The following DCC variants were observed in gnomAD, a reference collection of about 807,000 sequenced individuals.
The protein encoded by DCC is DCC netrin 1 receptor, also known as netrin receptor DCC.
Under a neutral mutation model 172.5 loss-of-function variants are expected in DCC, and 58 were observed. That is an observed-to-expected ratio of 0.34 (90% confidence interval 0.27 to 0.42). DCC has a LOEUF of 0.42. Among genes scored for constraint, DCC ranks in the 10% least tolerant of loss-of-function variants. DCC has a pLI of 1.00. For synonymous variants in DCC, 709 were observed against 644.5 expected (o/e 1.10, Z -1.52); for missense variants, 1,740 against 1,791.0 (o/e 0.97, Z 0.51).
At chr18:52,973,734 G>GAGT (rs2041067365) in intron 5 of DCC, among the ~76,000 whole-genome samples, 1 of 152,166 alleles carries the variant, frequency 6.6e-6, no homozygotes, top group African/African-American at 2.4e-5. Flanking sequence ...AAGAGGCCTA[G>GAGT]AGTATGTAGG....
intron 5 of DCC, among the ~76,000 whole-genome samples, chr18:52,973,081 C>T (rs2041056167): frequency 6.6e-6 from 1 of 152,110 alleles, no homozygotes; most frequent in Non-Finnish European, 1.5e-5. Context: ...GGTGCTAGAA[C>T]CTAGTAGATA....
At chr18:53,238,898 C>T (rs909511828) in intron 12 of DCC, among the ~76,000 whole-genome samples, 3 of 151,888 alleles carry the variant, frequency 2.0e-5, no homozygotes, top group Non-Finnish European at 2.9e-5. Flanking sequence ...TTAGCCATAC[C>T]TAGTATTATT....
chr18:53,416,685 C>G (rs1910328957), intron 21 of DCC: 1 of 175,212 alleles, frequency 5.7e-6, no homozygotes, highest in African/African-American at 2.4e-5. Context: ...ATCAGATGCT[C>G]ATTTGACTCA....
intron 18 of DCC, among the ~76,000 whole-genome samples, chr18:53,400,844 A>G (rs1909253248): frequency 6.6e-6 from 1 of 152,188 alleles, no homozygotes; most frequent in Non-Finnish European, 1.5e-5. Context: ...TAACAGATTC[A>G]GTGAAGCAAT....
At chr18:53,073,762 A>G (rs1428761305) in intron 7 of DCC, among the ~76,000 whole-genome samples, 2 of 151,984 alleles carry the variant, frequency 1.3e-5, no homozygotes, top group Non-Finnish European at 2.9e-5. Context: ...ATAGCTTGGA[A>G]TTCAGAAGAG....
chr18:52,817,803 A>ATATATATATATG (rs375371359), intron 2 of DCC, among the ~76,000 whole-genome samples: 1 of 151,428 alleles, frequency 6.6e-6, no homozygotes, highest in African/African-American at 2.4e-5. Context: ...ATATATATAT[A>ATATATATATATG]TGTGTGTGTG....
intron 12 of DCC, among the ~76,000 whole-genome samples, chr18:53,218,885 C>T (rs9304441): frequency 0.045 from 6,859 of 152,076 alleles, 200 homozygotes; most frequent in East Asian, 0.11. Flanking sequence ...TTGGCTGGAA[C>T]ATAAAGGATA....
chr18:53,082,066 C>T (rs9949889), intron 7 of DCC, among the ~76,000 whole-genome samples: 96,681 of 151,890 alleles, frequency 0.64, 31,573 homozygotes, highest in African/African-American at 0.72. Context: ...AAGGAGAATG[C>T]GTTGGTCCCC....
chr18:53,288,266 T>C (rs191252891), intron 12 of DCC, among the ~76,000 whole-genome samples: 1 of 152,256 alleles, frequency 6.6e-6, no homozygotes, highest in African/African-American at 2.4e-5. Flanking sequence ...TGAATATTTA[T>C]TAAAGCAGAT....
intron 19 of DCC, among the ~76,000 whole-genome samples, chr18:53,407,726 C>A (rs928455117): frequency 6.6e-6 from 1 of 151,476 alleles, no homozygotes; most frequent in African/African-American, 2.4e-5. Context: ...TATGTACACA[C>A]ACATATATCT....
rs115000876 is a variant in DCC at position 52,869,135 on chromosome 18, G to A, written c.413-36909G>A. 3.6e-3 allele frequency among the ~76,000 whole-genome samples: 555 copies of A among 152,354 alleles called. 4 individuals are homozygous for A. The highest frequency in any genetic ancestry group is 0.013 in the African/African-American group (525 of 41,582). On this transcript the variant is annotated intron_variant, in intron 2 of 28. Coordinates refer to ENST00000442544, the MANE Select transcript of DCC (RefSeq NM_005215.4). ...GTGGCAAATGGGTCATATTTCAACT[G>A]TTAGTGTTATAGCTCTTTTAGCCTC...
chr18:52,511,333 G>A (rs2031432648), intron 1 of DCC, among the ~76,000 whole-genome samples: 1 of 151,642 alleles, frequency 6.6e-6, no homozygotes, highest in African/African-American at 2.4e-5. Flanking sequence ...CTTAGAGCCT[G>A]GTTTGATAAG....
chr18:52,759,775 T>G (rs750108260), intron 2 of DCC, among the ~76,000 whole-genome samples: 1 of 152,218 alleles, frequency 6.6e-6, no homozygotes, highest in Non-Finnish European at 1.5e-5. Context: ...ACACTGTTAA[T>G]CTTGTTAATC....
chr18:53,246,057 T>C (rs1443119205), intron 12 of DCC, among the ~76,000 whole-genome samples: 1 of 152,162 alleles, frequency 6.6e-6, no homozygotes, highest in South Asian at 2.1e-4. Context: ...CGGTATTGAA[T>C]AGTTCTCCCT....
intron 11 of DCC, among the ~76,000 whole-genome samples, chr18:53,211,692 G>C (rs6508208): frequency 0.55 from 84,127 of 151,698 alleles, 24,692 homozygotes; most frequent in African/African-American, 0.71. Context: ...CCTCTGCACT[G>C]CAGCCTGGGT....
At chr18:53,385,483 A>G (rs769403252) in intron 15 of DCC, among the ~76,000 whole-genome samples, 12 of 152,004 alleles carry the variant, frequency 7.9e-5, no homozygotes, top group Non-Finnish European at 1.5e-5. Context: ...CCCTTCATCA[A>G]TATTGTTTCA....
rs372800279 is a variant in DCC, at chr18:52,480,352, C to CA, written c.91+139477dup. Among the ~76,000 whole-genome samples the CA allele has an allele frequency of 1.6e-3, 249 of 152,188 alleles. 1 individual carries two copies. Among genetic ancestry groups the CA allele is most frequent in the African/African-American group, 5.7e-3 (236 of 41,544 alleles). Reference sequence around the variant, plus strand: ...GTTTCTGGACATTATTAAAGTGAGACAAACAATAGAACTGTGAATGACCAC... The same window carrying CA: ...GTTTCTGGACATTATTAAAGTGAGACAAAACAATAGAACTGTGAATGACCAC... On this transcript the variant is annotated intron_variant, in intron 1 of 28. Coordinates refer to ENST00000442544, the MANE Select transcript of DCC (RefSeq NM_005215.4).
intron 2 of DCC, among the ~76,000 whole-genome samples, chr18:52,812,614 A>G (rs939578888): frequency 5.3e-5 from 8 of 152,244 alleles, no homozygotes; most frequent in African/African-American, 1.9e-4. Flanking sequence ...AAACCTGGGT[A>G]GAACTCAGAA....
chr18:52,847,090 T>C (rs1226781848), intron 2 of DCC, among the ~76,000 whole-genome samples: 1 of 152,228 alleles, frequency 6.6e-6, no homozygotes, highest in African/African-American at 2.4e-5. Flanking sequence ...CCCGTTGTTA[T>C]TCTCTTTTCG....
Sources: allele counts gnomAD v4.1 joint callset (sites outside exome capture counted in the v4.1 genomes callset), GRCh38; gene constraint gnomAD v4.1.1; transcripts MANE v1.5; gene names NCBI Gene and HGNC (gene_info 2026-07-23, HGNC 2026-07-21).